PDK3: variants seen among roughly 807,000 people sequenced by gnomAD.
PDK3 encodes the protein pyruvate dehydrogenase kinase, isozyme 3.
A neutral mutation model predicts 32.0 loss-of-function variants in PDK3; 12 were observed. The ratio of observed to expected loss-of-function variants is 0.37; its 90% CI spans 0.24 to 0.61. The LOEUF (loss-of-function observed/expected upper bound fraction) is 0.61. Among genes scored for constraint, PDK3 ranks in the 20% least tolerant of loss-of-function variants. The probability of loss-of-function intolerance (pLI) is 0.65; values close to 1 mark genes in which losing one functional copy is unlikely to be tolerated. For synonymous variants in PDK3, 122 were observed against 116.3 expected, an observed-to-expected ratio of 1.05 and a Z score of -0.31; for missense variants, 188 against 316.9, an observed-to-expected ratio of 0.59 and a Z score of 3.09.
At chrX:24,507,956 A>C (rs1922023817) in intron 5 of PDK3, among the ~76,000 whole-genome samples, 2 of 111,734 alleles carry the variant, frequency 1.8e-5, no homozygotes, top group Non-Finnish European at 3.8e-5. Context: ...GTTGATGGGC[A>C]CATGGGCTCA....
At position 24,533,937 on chromosome X, in the gene PDK3, A is replaced by T; in HGVS notation, c.1086A>T (p.Ser362=). The change falls in exon 11 of 11, where the codon TCA becomes TCT. Residue 362 remains serine, a synonymous_variant. Transcript: ENST00000379162. ...TTTTGTTTCTCCAATAGGCTCTTTCAAGTGAGTCATTTGAGAGACTTCCAG... is the reference window on the plus strand; with the variant it reads ...TTTTGTTTCTCCAATAGGCTCTTTCTAGTGAGTCATTTGAGAGACTTCCAG... The part of the protein sequence containing the change: ...TDAVIYLKAL[S]SESFERLPVF... 2 of 1,201,547 alleles carry T rather than the reference A, an allele frequency of 1.7e-6. No homozygotes were observed. The highest frequency in any genetic ancestry group is 1.1e-6 in the Non-Finnish European group (1 of 888,689).
chrX:24,515,326 T>C (rs1922227109), intron 5 of PDK3, among the ~76,000 whole-genome samples: 1 of 112,065 alleles, frequency 8.9e-6, no homozygotes, highest in Non-Finnish European at 1.9e-5. Flanking sequence ...ACTGGGTCTT[T>C]GTGTTTCGAG....
At chrX:24,537,465 A>G (rs779368948), downstream of PDK3, among the ~76,000 whole-genome samples, 6 of 109,228 alleles carry the variant, frequency 5.5e-5, no homozygotes, top group Non-Finnish European at 1.1e-4. Flanking sequence ...AGAGATGCTA[A>G]TCTGATAATT....
rs754419607 is a variant in PDK3, at chrX:24,515,603, G to A, written c.596-3330G>A. Among the ~76,000 whole-genome samples the A allele has an allele frequency of 1.9e-3, 217 of 111,939 alleles. 1 individual carries two copies. Among genetic ancestry groups the A allele is most frequent in the Middle Eastern group, 0.014 (3 of 219 alleles). The stretch of plus-strand genomic sequence containing the variant: ...ATCGTTTTTAGGTTTCAGTGCTTGT[G>A]ATCTTGGAAGTTTGTGTTCAGCTTT... On this transcript the variant is annotated intron_variant, in intron 5 of 10. Transcript: ENST00000379162.
At chrX:24,515,343 G>A (rs1922228282) in intron 5 of PDK3, among the ~76,000 whole-genome samples, 1 of 112,166 alleles carries the variant, frequency 8.9e-6, no homozygotes, top group Admixed American at 9.5e-5. Flanking sequence ...CGAGTTGGCT[G>A]CTTCTGTCTA....
intron 1 of PDK3, among the ~76,000 whole-genome samples, chrX:24,468,931 TC>T (rs1318484769): frequency 1.8e-5 from 2 of 112,156 alleles, no homozygotes; most frequent in Admixed American, 1.9e-4. Flanking sequence ...AAAGCCTGCT[TC>T]CCACTTGTGC....
intron 4 of PDK3, among the ~76,000 whole-genome samples, chrX:24,503,888 T>G (rs190677785): frequency 8.9e-5 from 10 of 112,265 alleles, no homozygotes; most frequent in African/African-American, 3.2e-4. Flanking sequence ...TCCTTTTTAG[T>G]TTTAAAAACA....
chrX:24,499,033 C>T, intron 3 of PDK3, 133 bp downstream of exon 3: 1 of 333,467 alleles, frequency 3.0e-6, no homozygotes, highest in African/African-American at 4.3e-5. Flanking sequence ...TGAGTAGTGA[C>T]TCAACATTGA....
chrX:24,522,302 G>A (rs1293276706), intron 6 of PDK3, among the ~76,000 whole-genome samples: 9 of 111,068 alleles, frequency 8.1e-5, no homozygotes, highest in African/African-American at 2.6e-4. Context: ...AGCCAGCCTC[G>A]AGACCCAGAA....
chrX:24,538,566 G>A (rs1392049904), downstream of PDK3, among the ~76,000 whole-genome samples: 1 of 111,547 alleles, frequency 9.0e-6, no homozygotes, highest in Non-Finnish European at 1.9e-5. Context: ...ATCACTTGAG[G>A]TCAGAAGTTC....
In PDK3 at chrX:24,498,351, A is replaced by G. The variant is rs758792984; in HGVS notation, c.249-478A>G. 2.7e-5 allele frequency among the ~76,000 whole-genome samples: 3 copies of G among 111,606 alleles called. No homozygotes were observed. In the East Asian group the frequency reaches 8.5e-4, roughly 32 times the overall value. On this transcript the variant is annotated intron_variant, in intron 2 of 10. Transcript: ENST00000379162. ...TGAAGCTATCGAGGCCCTGCTTTCG[A>G]TGGTGCTGGCTTCATTTTCAGACTG...
At chrX:24,496,082 G>A (rs1428071562) in intron 2 of PDK3, among the ~76,000 whole-genome samples, 2 of 111,493 alleles carry the variant, frequency 1.8e-5, no homozygotes, top group Non-Finnish European at 1.9e-5. Context: ...TTCCTTTTCC[G>A]TATCCATTCC....
intron 5 of PDK3, among the ~76,000 whole-genome samples, chrX:24,514,599 C>A (rs904635597): frequency 1.8e-5 from 2 of 111,628 alleles, no homozygotes; most frequent in Non-Finnish European, 3.8e-5. Context: ...AAATTACAAG[C>A]CATGAGTTGA....
At chrX:24,498,227 CTGTT>C (rs1921764530) in intron 2 of PDK3, among the ~76,000 whole-genome samples, 2 of 111,741 alleles carry the variant, frequency 1.8e-5, no homozygotes, top group South Asian at 7.5e-4. Flanking sequence ...TAGGATATGT[CTGTT>C]TGTAAGTAGA....
intron 7 of PDK3, among the ~76,000 whole-genome samples, chrX:24,527,303 A>G (rs1411027787): frequency 1.7e-4 from 19 of 110,817 alleles, no homozygotes; most frequent in African/African-American, 5.6e-4. Context: ...GAAAAAAAAA[A>G]AAAAAGAGGA....
At chrX:24,504,783 C>T (rs1412165880) in intron 4 of PDK3, among the ~76,000 whole-genome samples, 1 of 112,078 alleles carries the variant, frequency 8.9e-6, no homozygotes, top group Non-Finnish European at 1.9e-5. Flanking sequence ...ATGCTGCCAG[C>T]GAAGACACTT....
At chrX:24,500,921 G>A (rs1335356335) in intron 3 of PDK3, among the ~76,000 whole-genome samples, 1 of 111,519 alleles carries the variant, frequency 9.0e-6, no homozygotes, top group East Asian at 2.8e-4. Flanking sequence ...ATAATGAATC[G>A]TTTCACTTTA....
chrX:24,470,615 A>C (rs1920979783), intron 1 of PDK3, among the ~76,000 whole-genome samples: 1 of 96,118 alleles, frequency 1.0e-5, no homozygotes, highest in African/African-American at 3.9e-5. Context: ...TGAACCCAGG[A>C]GGCGGAGGTT....
At chrX:24,477,235 T>TA (rs1314599892) in intron 1 of PDK3, among the ~76,000 whole-genome samples, 2 of 112,206 alleles carry the variant, frequency 1.8e-5, no homozygotes, top group Non-Finnish European at 1.9e-5. Flanking sequence ...GGTTTTATGA[T>TA]TTTAATCGCA....
Sources: gnomAD v4.1 joint callset for allele counts (sites outside exome capture counted in the v4.1 genomes callset) on GRCh38, gnomAD v4.1.1 for gene constraint, MANE v1.5 for transcripts, NCBI Gene and HGNC (gene_info 2026-07-23, HGNC 2026-07-21) for gene names.